PCID2: variants seen among roughly 807,000 people sequenced by gnomAD.
The protein encoded by PCID2 is PCI domain containing 2, also known as PCI domain-containing protein 2.
In PCID2, 41 loss-of-function variants were observed where a neutral mutation model predicts 61.3. That is an observed-to-expected ratio of 0.67 (90% CI 0.52 to 0.87). The LOEUF (loss-of-function observed/expected upper bound fraction) is 0.87. PCID2 is among the 40% of genes least tolerant of loss of function. The pLI, the probability that PCID2 is intolerant of heterozygous loss-of-function variation, is 0.00. For missense variants in PCID2, 392 were observed against 493.4 expected (o/e 0.79, Z 1.95); for synonymous variants, 187 against 177.8 (o/e 1.05, Z -0.41).
chr13:113,200,936 A>G (rs2039383966), intron 1 of PCID2, among the ~76,000 whole-genome samples: 1 of 152,180 alleles, frequency 6.6e-6, no homozygotes, highest in African/African-American at 2.4e-5. Flanking sequence ...AAAAAACAAA[A>G]ACAGATGTTC....
intron 13 of PCID2, 75 bp downstream of exon 13, chr13:113,178,891 C>T: frequency 6.8e-7 from 1 of 1,473,770 alleles, no homozygotes; most frequent in Non-Finnish European, 9.2e-7. Flanking sequence ...TTTAACACCA[C>T]CACACTGAAG....
At position 113,179,089 on chromosome 13, in the gene PCID2, C is replaced by T. The variant is rs150222227; in HGVS notation, c.987G>A (p.Val329=). 2.7e-5 allele frequency: 43 copies of T among 1,612,936 alleles called. No homozygotes were observed. Among genetic ancestry groups the T allele is most frequent in the South Asian group, 2.3e-4 (21 of 90,866 alleles). The change falls in exon 13 of 14, where the codon GTG becomes GTA. Residue 329 remains valine (V), a splice_region_variant and synonymous_variant. Transcript: ENST00000337344. The surrounding 1 kb of genome is among the most constrained non-coding windows in gnomAD (Gnocchi z 4.3). Reference sequence around the variant, plus strand: ...GCTGGTGTGTTTTCAGTAACAAATACCTGGAAGAGGGGAGGAGAAGGGCAC... The same window carrying T: ...GCTGGTGTGTTTTCAGTAACAAATATCTGGAAGAGGGGAGGAGAAGGGCAC... ...IITYRNLFKK[V]YLLLKTHQLS...
chr13:113,185,369 G>T, intron 8 of PCID2, 116 bp downstream of exon 8: 1 of 746,902 alleles, frequency 1.3e-6, no homozygotes. Flanking sequence ...CTAGGAATAC[G>T]GTTATGATCA....
the PCID2 span, chr13:113,165,005 G>A: frequency 1.1e-5 from 17 of 1,567,176 alleles, no homozygotes; most frequent in East Asian, 6.7e-5. Context: ...TCCGATATTC[G>A]CTGAGAAGGC....
intron 1 of PCID2, among the ~76,000 whole-genome samples, chr13:113,205,326 A>G (rs887604951): frequency 5.3e-5 from 8 of 152,106 alleles, no homozygotes; most frequent in African/African-American, 1.9e-4. Context: ...AGAAGATACC[A>G]CTCCGCACCC....
chr13:113,197,021 A>C, intron 4 of PCID2, 157 bp downstream of exon 4: 1 of 1,610,822 alleles, frequency 6.2e-7, no homozygotes, highest in Non-Finnish European at 8.5e-7. Context: ...TTAAGTACCC[A>C]AGTGAAAGAG....
Position 113,185,566 on chromosome 13 carries a change from G to A in PCID2, c.468-6C>T. 1.9e-6 allele frequency: 3 copies of A among 1,590,810 alleles called. No individual in the cohort carries two copies. Among genetic ancestry groups the A allele is most frequent in the African/African-American group, 2.7e-5 (2 of 74,228 alleles). On this transcript the variant is annotated splice_region_variant and splice_polypyrimidine_tract_variant and intron_variant, in intron 7 of 13. Transcript: ENST00000337344. ...AGTCCTCTATACCAGCACGGCTATG[G>A]GGAAATAATTTTTTTTAAGTTACAT...
At chr13:113,203,880 C>T (rs1223412462) in intron 1 of PCID2, among the ~76,000 whole-genome samples, 2 of 152,228 alleles carry the variant, frequency 1.3e-5, no homozygotes, top group Non-Finnish European at 2.9e-5. Context: ...TGCAAGTCCC[C>T]CAAGAAAACC....
chr13:113,181,863 C>G (rs539722234), intron 9 of PCID2, among the ~76,000 whole-genome samples: 1 of 152,174 alleles, frequency 6.6e-6, no homozygotes, highest in Non-Finnish European at 1.5e-5. Context: ...ACAAACTGCA[C>G]GACAGGCCTG....
downstream of PCID2, among the ~76,000 whole-genome samples, chr13:113,172,934 C>T (rs940902020): frequency 6.6e-6 from 1 of 152,134 alleles, no homozygotes; most frequent in African/African-American, 2.4e-5. Flanking sequence ...GAGTGTGTGT[C>T]CCTTCAAAAC....
intron 1 of PCID2, among the ~76,000 whole-genome samples, chr13:113,207,342 T>A (rs1355999962): frequency 6.6e-6 from 1 of 152,206 alleles, no homozygotes; most frequent in Non-Finnish European, 1.5e-5. Context: ...TAATTAGGTA[T>A]GGGGGAAAAA....
the PCID2 span, chr13:113,165,229 T>C: frequency 3.3e-5 from 39 of 1,173,760 alleles, no homozygotes; most frequent in Middle Eastern, 2.3e-4. Context: ...ATCCTGACTT[T>C]GATGGGCTAC....
intron 9 of PCID2, among the ~76,000 whole-genome samples, chr13:113,182,987 T>A (rs1455838607): frequency 6.6e-6 from 1 of 152,206 alleles, no homozygotes; most frequent in Non-Finnish European, 1.5e-5. Context: ...CTTACATAAA[T>A]AATATAAAAT....
chr13:113,176,746 G>A (rs7990243), downstream of PCID2, among the ~76,000 whole-genome samples: 954 of 152,262 alleles, frequency 6.3e-3, 15 homozygotes, highest in African/African-American at 0.022. Context: ...CTGGGTGACA[G>A]AGTGAGGTCC....
chr13:113,197,149 G>C (rs751605334), intron 4 of PCID2, 29 bp downstream of exon 4: 1 of 1,614,024 alleles, frequency 6.2e-7, no homozygotes, highest in African/African-American at 1.3e-5. Flanking sequence ...GTTCTATGCG[G>C]GACAGCTGCC....
At chr13:113,171,487 C>T in the PCID2 span, 19 of 1,450,180 alleles carry the variant, frequency 1.3e-5, no homozygotes, top group Non-Finnish European at 1.7e-5. This position sits in a 1 kb window ranked among gnomAD's most constrained non-coding sequence, Gnocchi z 5.1. Context: ...GCGGGTCCTC[C>T]AGGGCCGGTC....
chr13:113,204,433 G>A (rs1388109513), intron 1 of PCID2, among the ~76,000 whole-genome samples: 8 of 152,164 alleles, frequency 5.3e-5, no homozygotes, highest in South Asian at 2.1e-4. Flanking sequence ...TACAGACACC[G>A]GGGCCCTCCA....
chr13:113,208,576 C>T (rs939691795), intron 1 of PCID2, 23 bp downstream of exon 1: 2 of 1,605,916 alleles, frequency 1.2e-6, no homozygotes, highest in African/African-American at 2.7e-5. Flanking sequence ...CACGCCGCCG[C>T]GCGCTCCCCG....
downstream of PCID2, among the ~76,000 whole-genome samples, chr13:113,175,845 T>C (rs1427332919): frequency 6.6e-6 from 1 of 152,222 alleles, no homozygotes; most frequent in Non-Finnish European, 1.5e-5. Flanking sequence ...AGATCTGGCT[T>C]CCCTGGCTCT....
Sources: gnomAD v4.1 joint callset for allele counts (sites outside exome capture counted in the v4.1 genomes callset) on GRCh38, gnomAD v4.1.1 for gene constraint, Gnocchi (gnomAD v3.1) non-coding constraint, MANE v1.5 for transcripts, NCBI Gene and HGNC (gene_info 2026-07-23, HGNC 2026-07-21) for gene names.